VPS53: variants seen among roughly 807,000 people sequenced by gnomAD.
VPS53 encodes VPS53 subunit of GARP complex.
A neutral mutation model predicts 107.0 loss-of-function variants in VPS53; 70 were observed. The observed-to-expected ratio is 0.65, with a 90% CI of 0.54 to 0.80. The LOEUF is 0.80. Ranked by LOEUF, VPS53 falls within the 30% of genes least tolerant of loss-of-function variation. VPS53 has a pLI of 0.00. For missense variants in VPS53, 917 were observed against 1,049.4 expected (o/e 0.87, Z 1.74); for synonymous variants, 409 against 393.3 (o/e 1.04, Z -0.47).
rs200157618 is a variant in VPS53 at position 669,592 on chromosome 17, T to TAAAAAAAAAA, written c.286-7707_286-7698dup. On this transcript the variant is annotated intron_variant, in intron 4 of 21. Transcript: ENST00000437048. ...TGGGTGACAGAGACATACTCTGTCT[T>TAAAAAAAAAA]AAAAAAAAAAAAAAAATTAGGCCAG... Among the ~76,000 whole-genome samples the TAAAAAAAAAA allele has an allele frequency of 4.6e-4, 51 of 110,262 alleles. 1 individual carries two copies. The highest frequency in any genetic ancestry group is 1.5e-3 in the African/African-American group (46 of 30,124). 72.3% of individuals were successfully genotyped at this position (110,262 alleles called of 152,430 possible).
At chr17:555,816 A>G (rs1253398281) in intron 15 of VPS53, among the ~76,000 whole-genome samples, 1 of 152,236 alleles carries the variant, frequency 6.6e-6, no homozygotes, top group Non-Finnish European at 1.5e-5. Context: ...TCTACATCTA[A>G]CTACCAATTT....
intron 5 of VPS53, among the ~76,000 whole-genome samples, chr17:661,086 C>T (rs977307951): frequency 1.3e-5 from 2 of 152,104 alleles, no homozygotes; most frequent in African/African-American, 4.8e-5. Flanking sequence ...TCCCTCCCTC[C>T]TCCCGGCTCC....
At chr17:529,185 CAT>C (rs1353479652) in intron 19 of VPS53, among the ~76,000 whole-genome samples, 6 of 152,194 alleles carry the variant, frequency 3.9e-5, no homozygotes, top group East Asian at 3.8e-4. Context: ...AGTATCTACA[CAT>C]GTGTGGGTCT....
rs961594523 is a variant in VPS53 at position 513,371 on chromosome 17, C to T, written c.*5757G>A. 6.6e-6 allele frequency: 1 copy of T among 152,126 alleles called. No homozygotes were observed. Among genetic ancestry groups the T allele is most frequent in the African/African-American group, 2.4e-5 (1 of 41,406 alleles). 9.4% of individuals were successfully genotyped at this position (152,126 alleles called of 1,614,324 possible). ...ATTTATATCTCCCAAAGGTGTAGAA[C>T]TTCGAGGGTCCAAGAGGCTATTCTG... On this transcript the variant is annotated 3_prime_UTR_variant, in exon 22 of 22. Coordinates refer to ENST00000437048, the MANE Select transcript of VPS53 (RefSeq NM_001128159.3).
intron 7 of VPS53, among the ~76,000 whole-genome samples, chr17:646,908 C>T (rs1403058176): frequency 6.6e-6 from 1 of 152,206 alleles, no homozygotes; most frequent in African/African-American, 2.4e-5. Flanking sequence ...GTGGCCACTG[C>T]CTCCTAAGGG....
intron 13 of VPS53, among the ~76,000 whole-genome samples, chr17:567,818 GTT>G (rs992984652): frequency 4.1e-5 from 6 of 146,902 alleles, no homozygotes; most frequent in Admixed American, 4.1e-4. Flanking sequence ...GAGCCCAGGA[GTT>G]TGAGGTTACA....
At chr17:679,696 A>G (rs73976854) in intron 4 of VPS53, among the ~76,000 whole-genome samples, 3,883 of 152,318 alleles carry the variant, frequency 0.025, 62 homozygotes, top group East Asian at 0.07. Context: ...CAAGAAACCA[A>G]TCTCCCAAAA....
intron 13 of VPS53, among the ~76,000 whole-genome samples, chr17:583,549 C>T (rs527503906): frequency 5.3e-5 from 8 of 150,122 alleles, no homozygotes; most frequent in South Asian, 2.1e-4. Flanking sequence ...GAACCTAATG[C>T]GTTCCCAGGG....
chr17:598,673 A>G (rs1194930181), intron 12 of VPS53, among the ~76,000 whole-genome samples: 1 of 140,862 alleles, frequency 7.1e-6, no homozygotes, highest in Non-Finnish European at 1.6e-5. Flanking sequence ...GGAGGTGAGG[A>G]GCATTTCTGC....
intron 4 of VPS53, among the ~76,000 whole-genome samples, chr17:663,461 G>A (rs138433288): frequency 9.9e-5 from 15 of 151,890 alleles, no homozygotes; most frequent in Non-Finnish European, 1.9e-4. Context: ...GTGAGTGCCA[G>A]CAGCCCACAG....
intron 19 of VPS53, among the ~76,000 whole-genome samples, chr17:529,384 TCACACACACACACTCACA>T (rs1909351998): frequency 8.5e-6 from 1 of 117,358 alleles, no homozygotes; most frequent in Non-Finnish European, 1.7e-5. Flanking sequence ...GCATATCAAT[TCACACACACACACTCACA>T]CACACACACA....
At chr17:575,071 C>T (rs1282058493) in intron 13 of VPS53, among the ~76,000 whole-genome samples, 2 of 152,214 alleles carry the variant, frequency 1.3e-5, no homozygotes, top group South Asian at 2.1e-4. Flanking sequence ...AGCAAGGGCA[C>T]TACTGGGTCT....
rs1053844437 is a variant in VPS53 at position 511,877 on chromosome 17, T to C, written c.*7251A>G. On this transcript the variant is annotated 3_prime_UTR_variant, in exon 22 of 22. Transcript: ENST00000437048. ...GACACCAGACACCTAAGCAAGTTTC[T>C]TGGAAGGGAGGCTTTGGCAACCCTC... The C allele has an allele frequency of 6.6e-6, 1 of 152,218 alleles. No homozygotes were observed. Among genetic ancestry groups the C allele is most frequent in the African/African-American group, 2.4e-5 (1 of 41,452 alleles). The allele number at this position is 152,218 out of a possible 1,614,324, so 9.4% of individuals were successfully genotyped here.
intron 6 of VPS53, 21 bp from the exon 7 acceptor site, chr17:653,431 T>G: frequency 6.2e-7 from 1 of 1,613,842 alleles, no homozygotes; most frequent in Non-Finnish European, 8.5e-7. Flanking sequence ...AGAATAAGTT[T>G]AAAAGTCTAG....
chr17:614,256 T>G (rs1251421434), intron 11 of VPS53, among the ~76,000 whole-genome samples: 2 of 152,146 alleles, frequency 1.3e-5, no homozygotes, highest in African/African-American at 4.8e-5. Flanking sequence ...ACGATAAATT[T>G]CATGTGACAT....
In VPS53 at chr17:519,979, C is replaced by T. The variant is rs552991891; in HGVS notation, c.2224-49G>A. 13 of 1,341,174 alleles carry T rather than the reference C, an allele frequency of 9.7e-6. No homozygotes were observed. Among genetic ancestry groups the T allele is most frequent in the East Asian group, 2.5e-5 (1 of 40,004 alleles). The allele number at this position is 1,341,174 out of a possible 1,614,324, so 83.1% of individuals were successfully genotyped here. On this transcript the variant is annotated intron_variant, in intron 20 of 21. Transcript: ENST00000437048. This position sits in a 1 kb window ranked among gnomAD's most constrained non-coding sequence, Gnocchi z 5.0. ...AAGCCCCTCAGGAAAACTACCACCACGGGAGGAGACAGGAGCGGGCCCTCA... is the reference window on the plus strand; with the variant it reads ...AAGCCCCTCAGGAAAACTACCACCATGGGAGGAGACAGGAGCGGGCCCTCA...
Position 537,113 on chromosome 17 carries a change from G to A in VPS53, c.1930C>T (p.His644Tyr), listed in dbSNP as rs750102615. Residue 644 changes from histidine to tyrosine, a missense_variant, in exon 18 of 22, where the codon CAC (histidine) becomes TAC (tyrosine). Physicochemically the swap from His to Tyr is moderately conservative, Grantham distance 83. Coordinates refer to ENST00000437048, the MANE Select transcript of VPS53 (RefSeq NM_001128159.3). Reference sequence around the variant, plus strand: ...ATGATGGGGACGTTCTGCTTGATGTGCAGAATGACAGAGGTGACGTAGGGG... The same window carrying A: ...ATGATGGGGACGTTCTGCTTGATGTACAGAATGACAGAGGTGACGTAGGGG... ...QSPYVTSVILHIKQNVPIIRD... is the reference protein window; with the variant it reads ...QSPYVTSVILYIKQNVPIIRD... 5 of 1,614,190 alleles carry A rather than the reference G, an allele frequency of 3.1e-6. 1 individual carries two copies. In the South Asian group the frequency reaches 4.4e-5, roughly 14 times the overall value.
At chr17:590,727 C>T (rs1438767857) in intron 12 of VPS53, among the ~76,000 whole-genome samples, 1 of 147,012 alleles carries the variant, frequency 6.8e-6, no homozygotes, top group Admixed American at 6.8e-5. Context: ...AGGGATGAAG[C>T]CCACTTGATC....
At position 517,663 on chromosome 17, in the gene VPS53, G is replaced by A. The variant is rs1908405993; in HGVS notation, c.*1465C>T. ...GCCTCCCCAGTAGCTGGGATTACAG[G>A]CACTCGCCATGACACCCGGCTAATT... On this transcript the variant is annotated 3_prime_UTR_variant, in exon 22 of 22. Transcript: ENST00000437048. 1 of 370,750 alleles carries A rather than the reference G, an allele frequency of 2.7e-6. No individual in the cohort carries two copies. Among genetic ancestry groups the A allele is most frequent in the Non-Finnish European group, 4.8e-6 (1 of 209,144 alleles). The allele number at this position is 370,750 out of a possible 1,614,324, so 23.0% of individuals were successfully genotyped here. A position where few individuals can be genotyped will look rare whatever the true frequency, so the allele number is the denominator to read the frequency against.
Sources: gnomAD v4.1 joint callset for allele counts (sites outside exome capture counted in the v4.1 genomes callset) on GRCh38, gnomAD v4.1.1 for gene constraint, Gnocchi (gnomAD v3.1) non-coding constraint, MANE v1.5 for transcripts, NCBI Gene and HGNC (gene_info 2026-07-23, HGNC 2026-07-21) for gene names.